Variants in WIPI2 observed in about 807,000 individuals in gnomAD.
The protein encoded by WIPI2 is WD repeat domain, phosphoinositide interacting 2, also known as WD repeat domain phosphoinositide-interacting protein 2.
WIPI2 carries 28 observed loss-of-function variants against 52.3 expected under a neutral mutation model. That is an observed-to-expected ratio of 0.54 (90% CI 0.40 to 0.73). The LOEUF (loss-of-function observed/expected upper bound fraction) is 0.73, where lower values mean the gene tolerates loss of function less well. Ranked by LOEUF, WIPI2 falls within the 30% of genes least tolerant of loss-of-function variation. The pLI, the probability that WIPI2 is intolerant of heterozygous loss-of-function variation, is 0.00. For synonymous variants in WIPI2, 268 were observed against 245.0 expected, an observed-to-expected ratio of 1.09 and a Z score of -0.88; for missense variants, 506 against 602.9, an observed-to-expected ratio of 0.84 and a Z score of 1.68.
At chr7:5,224,357 G>A (rs1318561626) in intron 8 of WIPI2, among the ~76,000 whole-genome samples, 2 of 152,188 alleles carry the variant, frequency 1.3e-5, no homozygotes, top group Non-Finnish European at 1.5e-5. Flanking sequence ...TGCCTTCCAC[G>A]TATTTTTCTC....
intron 3 of WIPI2, 146 bp from the exon 4 acceptor site, chr7:5,214,389 C>A: frequency 6.2e-7 from 1 of 1,605,936 alleles, no homozygotes. Flanking sequence ...GGGCTGTCCC[C>A]ACCCCATGAC....
intron 3 of WIPI2, among the ~76,000 whole-genome samples, chr7:5,209,278 C>T (rs975750988): frequency 2.6e-5 from 4 of 151,994 alleles, no homozygotes; most frequent in African/African-American, 7.3e-5. Context: ...AATGTTTGTG[C>T]CTTTTATTTC....
At position 5,233,514 on chromosome 7, in the gene WIPI2, A is replaced by G. The variant is rs993731053; in HGVS notation, c.*2567A>G. 4 of 152,754 alleles carry G rather than the reference A, an allele frequency of 2.6e-5. No individual in the cohort carries two copies. The highest frequency in any genetic ancestry group is 9.6e-5 in the African/African-American group (4 of 41,594). 9.5% of individuals were successfully genotyped at this position (152,754 alleles called of 1,614,324 possible). A position where few individuals can be genotyped will look rare whatever the true frequency, so the allele number is the denominator to read the frequency against. Reference sequence around the variant, plus strand: ...ACGATGAGCGTGGGGGATAGGAAACAAAACCTGTAAACGTTGTGAATGGGC... The same window carrying G: ...ACGATGAGCGTGGGGGATAGGAAACGAAACCTGTAAACGTTGTGAATGGGC... On this transcript the variant is annotated 3_prime_UTR_variant, in exon 13 of 13. Transcript: ENST00000288828.
At chr7:5,209,856 C>T (rs1782466914) in intron 3 of WIPI2, among the ~76,000 whole-genome samples, 1 of 152,060 alleles carries the variant, frequency 6.6e-6, no homozygotes, top group Admixed American at 6.6e-5. Context: ...CATGCATATC[C>T]CCCAGCCCCT....
intron 7 of WIPI2, 152 bp from the exon 8 acceptor site, chr7:5,222,450 A>G: frequency 5.3e-6 from 4 of 757,104 alleles, no homozygotes; most frequent in Non-Finnish European, 9.3e-6. Context: ...ATGATGTTCA[A>G]GGGGGGCCCT....
intron 8 of WIPI2, among the ~76,000 whole-genome samples, chr7:5,224,229 C>G (rs1193717488): frequency 6.6e-6 from 1 of 152,250 alleles, no homozygotes; most frequent in Non-Finnish European, 1.5e-5. Flanking sequence ...CTTGCGTGAG[C>G]TGGCAGATCT....
At chr7:5,194,377 A>G (rs1039128591) in intron 2 of WIPI2, among the ~76,000 whole-genome samples, 1 of 152,200 alleles carries the variant, frequency 6.6e-6, no homozygotes, top group Non-Finnish European at 1.5e-5. Flanking sequence ...AAGATGATGA[A>G]GAAGGAGAGT....
chr7:5,216,414 A>G, intron 4 of WIPI2, 149 bp from the exon 5 acceptor site: 1 of 607,096 alleles, frequency 1.6e-6, no homozygotes, highest in East Asian at 2.9e-5. Context: ...CCCGGGTGAC[A>G]CAGCGAGACA....
chr7:5,212,201 G>C (rs1782593901), intron 3 of WIPI2, among the ~76,000 whole-genome samples: 1 of 152,238 alleles, frequency 6.6e-6, no homozygotes, highest in African/African-American at 2.4e-5. Flanking sequence ...CCTGGGGGTG[G>C]TGCAGCCGTG....
chr7:5,212,303 G>A (rs921978475), intron 3 of WIPI2, among the ~76,000 whole-genome samples: 3 of 152,116 alleles, frequency 2.0e-5, no homozygotes, highest in Non-Finnish European at 4.4e-5. Context: ...TGGTAAGCGC[G>A]GTGACTACTA....
chr7:5,193,011 A>G (rs908936186), intron 1 of WIPI2, 107 bp from the exon 2 acceptor site: 11 of 1,044,766 alleles, frequency 1.1e-5, no homozygotes, highest in African/African-American at 1.6e-5. Context: ...TACTGGTAAT[A>G]TGATTTCCAA....
chr7:5,194,962 G>A (rs1022457136), intron 2 of WIPI2, among the ~76,000 whole-genome samples: 6 of 152,070 alleles, frequency 3.9e-5, no homozygotes, highest in Admixed American at 1.3e-4. Flanking sequence ...CTCCAGAGGC[G>A]GGCTTGTGGG....
chr7:5,229,552 G>C, intron 11 of WIPI2, 56 bp from the exon 12 acceptor site: 1 of 1,579,668 alleles, frequency 6.3e-7, no homozygotes, highest in South Asian at 1.1e-5. Flanking sequence ...AGTGTGTACT[G>C]CCCGCAGGGC....
chr7:5,228,735 A>C (rs1783571259), intron 11 of WIPI2, among the ~76,000 whole-genome samples: 1 of 152,056 alleles, frequency 6.6e-6, no homozygotes, highest in Admixed American at 6.5e-5. Context: ...AACAACATAT[A>C]ATTTTTTATT....
intron 1 of WIPI2, among the ~76,000 whole-genome samples, chr7:5,192,116 C>T (rs1781512925): frequency 1.3e-5 from 2 of 152,068 alleles, no homozygotes; most frequent in South Asian, 2.1e-4. Context: ...AATAGCATAA[C>T]AACGTGTAAA....
At chr7:5,228,265 C>T (rs1368470078) in intron 11 of WIPI2, 54 bp downstream of exon 11, 13 of 1,490,670 alleles carry the variant, frequency 8.7e-6, no homozygotes, top group South Asian at 1.2e-5. Flanking sequence ...GGGGGGCTTT[C>T]GGGGCACCTG....
In WIPI2 at chr7:5,198,627, C is replaced by G. The variant is rs10225919; in HGVS notation, c.129-949C>G. ...CCACACCTGGCCAGCTTACTTAACT[C>G]TCATATTCTGACATATACTGTGTGT... On this transcript the variant is annotated intron_variant, in intron 2 of 12. Coordinates refer to ENST00000288828, the MANE Select transcript of WIPI2 (RefSeq NM_015610.4). 5.1e-3 allele frequency among the ~76,000 whole-genome samples: 777 copies of G among 152,152 alleles called. 13 individuals are homozygous for G. Among genetic ancestry groups the G allele is most frequent in the African/African-American group, 0.017 (724 of 41,534 alleles).
chr7:5,196,166 C>T (rs1781736573), intron 2 of WIPI2, among the ~76,000 whole-genome samples: 1 of 151,846 alleles, frequency 6.6e-6, no homozygotes, highest in Non-Finnish European at 1.5e-5. Flanking sequence ...ATGGTGAAAC[C>T]CCATCTCTAC....
chr7:5,217,679 C>T (rs1415871270), intron 6 of WIPI2: 2 of 516,320 alleles, frequency 3.9e-6, no homozygotes, highest in East Asian at 7.0e-5. Context: ...GTGCTGAGCT[C>T]CTCGCCACGG....
Sources: gnomAD v4.1 joint callset for allele counts (sites outside exome capture counted in the v4.1 genomes callset) on GRCh38, gnomAD v4.1.1 for gene constraint, MANE v1.5 for transcripts, NCBI Gene and HGNC (gene_info 2026-07-23, HGNC 2026-07-21) for gene names.